The following ARHGAP24 variants were observed in gnomAD, a reference collection of about 807,000 sequenced individuals.
ARHGAP24 encodes the protein Rho GTPase activating protein 24.
A neutral mutation model predicts 76.4 loss-of-function variants in ARHGAP24; 50 were observed. The observed-to-expected ratio is 0.65, with a 90% CI of 0.52 to 0.83. The LOEUF (loss-of-function observed/expected upper bound fraction) is 0.83. Ranked by LOEUF, ARHGAP24 falls within the 40% of genes least tolerant of loss-of-function variation. ARHGAP24 has a pLI of 0.00. For missense variants in ARHGAP24, 930 were observed against 914.2 expected (o/e 1.02, Z -0.22); for synonymous variants, 345 against 323.3 (o/e 1.07, Z -0.72).
At chr4:85,787,381 C>T (rs540326110) in intron 3 of ARHGAP24, among the ~76,000 whole-genome samples, 1 of 152,308 alleles carries the variant, frequency 6.6e-6, no homozygotes, top group South Asian at 2.1e-4. Context: ...AGTTGTGCTT[C>T]ACATGATGGG....
intron 3 of ARHGAP24, among the ~76,000 whole-genome samples, chr4:85,870,943 G>C (rs376995948): frequency 6.6e-6 from 1 of 152,050 alleles, no homozygotes; most frequent in African/African-American, 2.4e-5. Context: ...ACCTCTGAAT[G>C]GTACAATTGT....
At chr4:85,489,039 TTAAAG>T (rs1723259845) in intron 1 of ARHGAP24, among the ~76,000 whole-genome samples, 1 of 152,190 alleles carries the variant, frequency 6.6e-6, no homozygotes, top group South Asian at 2.1e-4. Flanking sequence ...TTGAACCCAT[TTAAAG>T]TAAATTGAAT....
intron 2 of ARHGAP24, 115 bp downstream of exon 2, chr4:85,570,836 C>A: frequency 8.4e-7 from 1 of 1,191,474 alleles, no homozygotes; most frequent in Non-Finnish European, 1.2e-6. Context: ...TCCTTCAGTT[C>A]ATTGTCATCT....
intron 5 of ARHGAP24, among the ~76,000 whole-genome samples, chr4:85,970,001 A>G (rs1560754117): frequency 6.6e-6 from 1 of 152,234 alleles, no homozygotes; most frequent in Non-Finnish European, 1.5e-5. Flanking sequence ...AGTTAAAACA[A>G]GCCCTTTCAG....
intron 3 of ARHGAP24, among the ~76,000 whole-genome samples, chr4:85,872,520 T>C (rs1219869807): frequency 6.7e-6 from 1 of 149,802 alleles, no homozygotes; most frequent in Admixed American, 6.7e-5. Flanking sequence ...GGTCTCAAAC[T>C]CCTGACCTCA....
chr4:85,906,923 C>T (rs1734800385), intron 3 of ARHGAP24, among the ~76,000 whole-genome samples: 1 of 152,038 alleles, frequency 6.6e-6, no homozygotes, highest in Admixed American at 6.6e-5. Flanking sequence ...ACATTTTCAT[C>T]GTTTCTATTT....
At chr4:85,663,730 G>A (rs1475659469) in intron 2 of ARHGAP24, among the ~76,000 whole-genome samples, 1 of 151,728 alleles carries the variant, frequency 6.6e-6, no homozygotes, top group Non-Finnish European at 1.5e-5. Context: ...TAGCATGAAG[G>A]GTTGTTGAAT....
At chr4:85,839,843 CTTTT>C (rs33974767) in intron 3 of ARHGAP24, among the ~76,000 whole-genome samples, 7 of 105,618 alleles carry the variant, frequency 6.6e-5, no homozygotes, top group Non-Finnish European at 1.1e-4. Flanking sequence ...TTTCTGTTTT[CTTTT>C]TTTTTTTTTT....
At chr4:85,665,175 T>C (rs1041249212) in intron 2 of ARHGAP24, among the ~76,000 whole-genome samples, 1 of 152,176 alleles carries the variant, frequency 6.6e-6, no homozygotes, top group Admixed American at 6.5e-5. Flanking sequence ...CACTAAGGAC[T>C]TGCTTTATGA....
chr4:85,755,416 G>A (rs2110069176), intron 3 of ARHGAP24, among the ~76,000 whole-genome samples: 1 of 151,966 alleles, frequency 6.6e-6, no homozygotes, highest in Non-Finnish European at 1.5e-5. Context: ...CAGGTAAGGA[G>A]GTGCTCATCT....
chr4:85,498,330 T>C (rs1284226666), intron 1 of ARHGAP24, among the ~76,000 whole-genome samples: 1 of 152,198 alleles, frequency 6.6e-6, no homozygotes, highest in African/African-American at 2.4e-5. Context: ...CATGCTAGCT[T>C]TGTGTGTGCT....
chr4:85,750,342 G>T (rs1293721927), intron 3 of ARHGAP24, among the ~76,000 whole-genome samples: 1 of 152,028 alleles, frequency 6.6e-6, no homozygotes, highest in Non-Finnish European at 1.5e-5. Flanking sequence ...AGGGGCTCCA[G>T]CAGGGAGCAT....
At chr4:85,930,873 G>C in intron 4 of ARHGAP24, 1 of 1,610,190 alleles carries the variant, frequency 6.2e-7, no homozygotes, top group Non-Finnish European at 8.5e-7. Context: ...GTTGGGTTTC[G>C]CTCAGAGGCA....
intron 2 of ARHGAP24, among the ~76,000 whole-genome samples, chr4:85,619,934 T>C (rs142464396): frequency 6.6e-6 from 1 of 152,140 alleles, no homozygotes; most frequent in East Asian, 1.9e-4. Context: ...ATAATTTTAA[T>C]ACTTCATTCT....
chr4:85,728,151 A>G (rs1725239120), intron 3 of ARHGAP24, among the ~76,000 whole-genome samples: 1 of 151,274 alleles, frequency 6.6e-6, no homozygotes, highest in Non-Finnish European at 1.5e-5. Flanking sequence ...TATTTTTTCC[A>G]GAAGGATTTC....
intron 3 of ARHGAP24, among the ~76,000 whole-genome samples, chr4:85,886,235 T>G (rs1262935115): frequency 1.3e-5 from 2 of 152,174 alleles, no homozygotes; most frequent in Non-Finnish European, 2.9e-5. Context: ...TTTACTGTAA[T>G]ATGATAAACT....
At chr4:85,936,723 G>C (rs1372582359) in intron 4 of ARHGAP24, among the ~76,000 whole-genome samples, 1 of 152,108 alleles carries the variant, frequency 6.6e-6, no homozygotes, top group Non-Finnish European at 1.5e-5. Context: ...CTAGAGTAGG[G>C]GATGAGGCAA....
At chr4:85,771,810 A>G (rs1484111243) in intron 3 of ARHGAP24, among the ~76,000 whole-genome samples, 1 of 152,122 alleles carries the variant, frequency 6.6e-6, no homozygotes, top group South Asian at 2.1e-4. Context: ...CCCGGGTTCA[A>G]GTGATTCTCC....
chr4:85,491,486 G>A (rs1387086306), intron 1 of ARHGAP24, among the ~76,000 whole-genome samples: 2 of 152,092 alleles, frequency 1.3e-5, no homozygotes, highest in Non-Finnish European at 2.9e-5. Context: ...AATCAGCTAG[G>A]CTGTATTTCA....
Sources: allele counts gnomAD v4.1 joint callset (sites outside exome capture counted in the v4.1 genomes callset), GRCh38; gene constraint gnomAD v4.1.1; transcripts MANE v1.5; gene names NCBI Gene and HGNC (gene_info 2026-07-23, HGNC 2026-07-21).